The following TTL variants were observed in gnomAD, a reference collection of about 807,000 sequenced individuals.
TTL encodes the protein tubulin--tyrosine ligase.
In TTL, 10 loss-of-function variants were observed where a neutral mutation model predicts 41.1. The observed-to-expected ratio is 0.24, with a 90% CI of 0.15 to 0.41. The LOEUF is 0.41. TTL is among the 10% of genes least tolerant of loss of function. The pLI is 1.00. For missense variants in TTL, 367 were observed against 460.4 expected (o/e 0.80, Z 1.86); for synonymous variants, 175 against 175.5 (o/e 1.00, Z 0.02).
intron 5 of TTL, among the ~76,000 whole-genome samples, chr2:112,513,332 A>G (rs567549910): frequency 3.5e-4 from 53 of 152,114 alleles, no homozygotes; most frequent in African/African-American, 1.1e-3. Context: ...TTTTTCCTTC[A>G]GTTGCGAAGT....
Position 112,482,651 on chromosome 2 carries a change from C to G in TTL, c.157+150C>G, listed in dbSNP as rs1458916260. The G allele has an allele frequency of 1.1e-6, 1 of 905,494 alleles. No homozygotes were observed. The highest frequency in any genetic ancestry group is 1.6e-6 in the Non-Finnish European group (1 of 633,950). 56.1% of individuals were successfully genotyped at this position (905,494 alleles called of 1,614,324 possible). ...ACATCAGAAACGGATTCGGAAAGAT[C>G]GAAACCTGTCGTTTTTAATGCTTTC... On this transcript the variant is annotated intron_variant, in intron 1 of 6. Coordinates refer to ENST00000233336, the MANE Select transcript of TTL (RefSeq NM_153712.5). The surrounding 1 kb of genome is among the most constrained non-coding windows in gnomAD (Gnocchi z 5.3).
chr2:112,503,813 T>C (rs1380003668), intron 5 of TTL, among the ~76,000 whole-genome samples: 1 of 144,650 alleles, frequency 6.9e-6, no homozygotes, highest in Non-Finnish European at 1.5e-5. Flanking sequence ...TTCTTTTTTT[T>C]TTTTTTTTTT....
intron 3 of TTL, among the ~76,000 whole-genome samples, chr2:112,494,740 A>C (rs1442483483): frequency 6.6e-6 from 1 of 152,152 alleles, no homozygotes; most frequent in South Asian, 2.1e-4. Flanking sequence ...AAAACCTAGG[A>C]TTCATCCTTG....
chr2:112,490,240 A>T (rs1574054619), intron 2 of TTL, among the ~76,000 whole-genome samples: 1 of 152,054 alleles, frequency 6.6e-6, no homozygotes, highest in Admixed American at 6.6e-5. Flanking sequence ...ACATGGTGAA[A>T]CCCTGCCTCT....
rs896030284 is a variant in TTL at position 112,539,414 on chromosome 2, C to CAAA, written c.*10622_*10624dup. The CAAA allele has an allele frequency of 7.9e-5, 12 of 151,914 alleles. No homozygotes were observed. The highest frequency in any genetic ancestry group is 2.9e-4 in the African/African-American group (12 of 41,344). 9.4% of individuals were successfully genotyped at this position (151,914 alleles called of 1,614,324 possible). On this transcript the variant is annotated 3_prime_UTR_variant, in exon 7 of 7. Coordinates refer to ENST00000233336, the MANE Select transcript of TTL (RefSeq NM_153712.5). ...TACCACTTTAATAGAAAAAAGAGGACAAAAAGCACATGATCATTTCAATAT... is the reference window on the plus strand; with the variant it reads ...TACCACTTTAATAGAAAAAAGAGGACAAAAAAAAGCACATGATCATTTCAATAT...
At chr2:112,490,825 G>A (rs1450045703) in intron 2 of TTL, among the ~76,000 whole-genome samples, 4 of 151,722 alleles carry the variant, frequency 2.6e-5, no homozygotes, top group East Asian at 1.9e-4. Flanking sequence ...CACCTGCCTC[G>A]GCCTCCCAAA....
rs1164310827 is a variant in TTL at position 112,540,734 on chromosome 2, A to G, written c.*11939A>G. The G allele has an allele frequency of 6.6e-6, 1 of 152,110 alleles. No homozygotes were observed. Among genetic ancestry groups the G allele is most frequent in the African/African-American group, 2.4e-5 (1 of 41,328 alleles). 9.4% of individuals were successfully genotyped at this position (152,110 alleles called of 1,614,324 possible). A position where few individuals can be genotyped will look rare whatever the true frequency, so the allele number is the denominator to read the frequency against. ...GAGGCCAAGACAATTTGATGAGGGA[A>G]AGAATAGTCTTTTTAACAAATGGTG... On this transcript the variant is annotated 3_prime_UTR_variant, in exon 7 of 7. Coordinates refer to ENST00000233336, the MANE Select transcript of TTL (RefSeq NM_153712.5).
intron 1 of TTL, chr2:112,483,108 C>T (rs987597424): frequency 4.6e-5 from 7 of 152,282 alleles, no homozygotes; most frequent in African/African-American, 1.7e-4. Context: ...ATAAACCTTT[C>T]CTTAGTTTCA....
intron 6 of TTL, among the ~76,000 whole-genome samples, chr2:112,526,767 T>A (rs7580213): frequency 0.49 from 74,696 of 151,570 alleles, 20,485 homozygotes; most frequent in Middle Eastern, 0.68. Flanking sequence ...TTTTGAAGGG[T>A]TTTTTGTGTC....
Position 112,540,029 on chromosome 2 carries a change from A to G in TTL, c.*11234A>G, listed in dbSNP as rs943395326. On this transcript the variant is annotated 3_prime_UTR_variant, in exon 7 of 7. Coordinates refer to ENST00000233336, the MANE Select transcript of TTL (RefSeq NM_153712.5). ...TTAAAGAACACCTAAATAAATGGAA[A>G]GACATCCCATGTTTATGGATTGGGA... 6.6e-6 allele frequency: 1 copy of G among 152,254 alleles called. No homozygotes were observed. Among genetic ancestry groups the G allele is most frequent in the Non-Finnish European group, 1.5e-5 (1 of 68,048 alleles). The allele number at this position is 152,254 out of a possible 1,614,324, so 9.4% of individuals were successfully genotyped here.
chr2:112,502,186 C>T (rs1246219550), intron 4 of TTL, among the ~76,000 whole-genome samples: 1 of 152,188 alleles, frequency 6.6e-6, no homozygotes, highest in Non-Finnish European at 1.5e-5. Context: ...TTGCTGTCAG[C>T]TCATTGCCAA....
chr2:112,528,182 G>A (rs184515211), intron 6 of TTL, among the ~76,000 whole-genome samples: 29 of 152,238 alleles, frequency 1.9e-4, no homozygotes, highest in Admixed American at 1.7e-3. Flanking sequence ...CGAGAGATCC[G>A]CTATTAGTCT....
At chr2:112,502,864 A>G (rs1681739242) in intron 4 of TTL, 48 bp from the exon 5 acceptor site, 1 of 1,566,902 alleles carries the variant, frequency 6.4e-7, no homozygotes, top group Non-Finnish European at 8.6e-7. Flanking sequence ...TATAATATGC[A>G]GAAACTTTGG....
Position 112,482,794 on chromosome 2 carries a change from C to T in TTL, c.157+293C>T, listed in dbSNP as rs541441344. ...GAGACGCTGGCCGCCGGGGCTGGGA[C>T]CTGAGGCGCGAGTCTAGCGGCTCCC... On this transcript the variant is annotated intron_variant, in intron 1 of 6. Coordinates refer to ENST00000233336, the MANE Select transcript of TTL (RefSeq NM_153712.5). The surrounding 1 kb of genome is among the most constrained non-coding windows in gnomAD (Gnocchi z 5.3). Among the ~76,000 whole-genome samples, 2 of 152,308 alleles carry T rather than the reference C, an allele frequency of 1.3e-5. No homozygotes were observed. The highest frequency in any genetic ancestry group is 3.9e-4 in the East Asian group (2 of 5,154).
At chr2:112,493,505 G>C (rs946901559) in intron 2 of TTL, among the ~76,000 whole-genome samples, 4 of 152,242 alleles carry the variant, frequency 2.6e-5, no homozygotes, top group African/African-American at 9.6e-5. Flanking sequence ...TCTGATTGCA[G>C]AGTAGATGCA....
In TTL at chr2:112,502,935, A is replaced by G; in HGVS notation, c.629A>G (p.Gln210Arg). ...DIRSWVLVDHQYNIYLYREGV... is the reference protein window; with the variant it reads ...DIRSWVLVDHRYNIYLYREGV... ...AGAAGCTGGGTCTTGGTGGATCATC[A>G]GTATAATATCTACCTCTATAGAGAG... The change falls in exon 5 of 7, where the codon CAG becomes CGG. Residue 210 changes from glutamine to arginine, a missense_variant. Gln to Arg is a conservative substitution (Grantham distance 43). Transcript: ENST00000233336. The G allele has an allele frequency of 1.2e-6, 2 of 1,606,776 alleles. No individual in the cohort carries two copies. The highest frequency in any genetic ancestry group is 1.1e-5 in the South Asian group (1 of 90,152).
In TTL at chr2:112,528,701, G is replaced by A; in HGVS notation, c.1040G>A (p.Cys347Tyr). 1 of 1,614,096 alleles carries A rather than the reference G, an allele frequency of 6.2e-7. No individual in the cohort carries two copies. The highest frequency in any genetic ancestry group is 8.5e-7 in the Non-Finnish European group (1 of 1,180,002). ...ACAQKLYAELCQGIVDIAISS... is the reference protein window; with the variant it reads ...ACAQKLYAELYQGIVDIAISS... ...TTCAGGAAGCTCTATGCAGAACTGT[G>A]CCAAGGCATCGTGGACATAGCCATT... Residue 347 changes from cysteine to tyrosine, a missense_variant, in exon 7 of 7, where the codon TGC becomes TAC. Physicochemically the swap from Cys to Tyr is radical, Grantham distance 194. Transcript: ENST00000233336.
rs1041598942 is a variant in TTL, at chr2:112,528,705, A to G, written c.1044A>G (p.Gln348=). 2 of 1,614,078 alleles carry G rather than the reference A, an allele frequency of 1.2e-6. No homozygotes were observed. Among genetic ancestry groups the G allele is most frequent in the African/African-American group, 1.3e-5 (1 of 74,938 alleles). The part of the protein sequence containing the change: ...CAQKLYAELC[Q]GIVDIAISSV... ...GGAAGCTCTATGCAGAACTGTGCCA[A>G]GGCATCGTGGACATAGCCATTTCCA... Residue 348 remains glutamine, a synonymous_variant, in exon 7 of 7, where the codon CAA becomes CAG. Coordinates refer to ENST00000233336, the MANE Select transcript of TTL (RefSeq NM_153712.5).
At chr2:112,486,078 A>G (rs1333891362) in intron 2 of TTL, 83 bp downstream of exon 2, 3 of 1,375,106 alleles carry the variant, frequency 2.2e-6, no homozygotes, top group Non-Finnish European at 3.1e-6. Flanking sequence ...AAGGACAAAC[A>G]TACTTTTATT....
Sources: gnomAD v4.1 joint callset for allele counts (sites outside exome capture counted in the v4.1 genomes callset) on GRCh38, gnomAD v4.1.1 for gene constraint, Gnocchi (gnomAD v3.1) non-coding constraint, MANE v1.5 for transcripts, NCBI Gene and HGNC (gene_info 2026-07-23, HGNC 2026-07-21) for gene names.